Variants in SHTN1 observed in about 807,000 individuals in gnomAD.
The protein encoded by SHTN1 is shootin-1.
A neutral mutation model predicts 83.1 loss-of-function variants in SHTN1; 42 were observed. The observed-to-expected ratio is 0.51, with a 90% CI of 0.39 to 0.65. The LOEUF (loss-of-function observed/expected upper bound fraction) is 0.65, where lower values mean the gene tolerates loss of function less well. Ranked by LOEUF, SHTN1 falls within the 30% of genes least tolerant of loss-of-function variation. The pLI is 0.00. For missense variants in SHTN1, 622 were observed against 737.8 expected (o/e 0.84, Z 1.82); for synonymous variants, 224 against 247.7 (o/e 0.90, Z 0.90).
At chr10:116,956,529 G>T (rs1294325984) in intron 4 of SHTN1, among the ~76,000 whole-genome samples, 1 of 152,128 alleles carries the variant, frequency 6.6e-6, no homozygotes, top group African/African-American at 2.4e-5. Context: ...GTAAGAAGAG[G>T]TTTAGTTTGT....
At chr10:117,100,863 C>A (rs1411620912) in intron 1 of SHTN1, among the ~76,000 whole-genome samples, 1 of 152,090 alleles carries the variant, frequency 6.6e-6, no homozygotes, top group Non-Finnish European at 1.5e-5. Context: ...TGAGGTGGGA[C>A]TAAGTTTGGG....
chr10:117,033,250 T>G (rs929413656), intron 2 of SHTN1, among the ~76,000 whole-genome samples: 9 of 151,418 alleles, frequency 5.9e-5, no homozygotes, highest in African/African-American at 2.2e-4. Context: ...AAACAAAAAG[T>G]TTTTTTTTAA....
intron 8 of SHTN1, among the ~76,000 whole-genome samples, chr10:116,941,169 C>A (rs1464703658): frequency 6.6e-6 from 1 of 152,198 alleles, no homozygotes; most frequent in Non-Finnish European, 1.5e-5. Context: ...CAAGAACACA[C>A]GTAAGTGACA....
chr10:116,918,434 C>T (rs953074763), intron 12 of SHTN1, among the ~76,000 whole-genome samples: 2 of 151,856 alleles, frequency 1.3e-5, no homozygotes, highest in Non-Finnish European at 2.9e-5. Context: ...CACAGGATTA[C>T]TATTTCTTTC....
intron 13 of SHTN1, 81 bp from the exon 14 acceptor site, chr10:116,911,924 TTAG>T: frequency 1.0e-6 from 1 of 970,218 alleles, no homozygotes; most frequent in Non-Finnish European, 1.7e-6. Flanking sequence ...TGGCAAACTA[TTAG>T]TAGCCTTATA....
intron 1 of SHTN1, among the ~76,000 whole-genome samples, chr10:117,117,933 A>G (rs1035303451): frequency 3.3e-5 from 5 of 152,226 alleles, no homozygotes; most frequent in African/African-American, 1.2e-4. Flanking sequence ...TGAAACTATT[A>G]AACTACCAAA....
intron 1 of SHTN1, among the ~76,000 whole-genome samples, chr10:117,095,063 G>C (rs1015970328): frequency 1.1e-4 from 17 of 152,108 alleles, no homozygotes; most frequent in Admixed American, 6.6e-4. Context: ...GGCCTCCTTC[G>C]GGCCTTGGCT....
At chr10:116,932,719 T>C (rs945402988) in intron 9 of SHTN1, among the ~76,000 whole-genome samples, 2 of 152,226 alleles carry the variant, frequency 1.3e-5, no homozygotes, top group African/African-American at 4.8e-5. Context: ...CATAACCCTA[T>C]CATAAGTCAA....
At chr10:116,971,034 C>T (rs1041901368) in intron 2 of SHTN1, among the ~76,000 whole-genome samples, 4 of 152,106 alleles carry the variant, frequency 2.6e-5, no homozygotes, top group African/African-American at 7.2e-5. Context: ...CCTTTCCTGT[C>T]CTTTCAAAAT....
At chr10:117,034,736 T>C (rs1262460837) in intron 2 of SHTN1, among the ~76,000 whole-genome samples, 1 of 151,648 alleles carries the variant, frequency 6.6e-6, no homozygotes, top group Non-Finnish European at 1.5e-5. Context: ...TCACATACAA[T>C]AGCCACAAAT....
At position 117,059,364 on chromosome 10, in the gene SHTN1, T is replaced by C. The variant is rs145737739; in HGVS notation, c.-188-10854A>G. On this transcript the variant is annotated intron_variant, in intron 1 of 17. Coordinates refer to the SHTN1 transcript ENST00000392901. Reference sequence around the variant, plus strand: ...GCCCAGCAATTGCACTCTGGGCATTTATTCCAAAGAAATGAATACTTATGA... The same window carrying C: ...GCCCAGCAATTGCACTCTGGGCATTCATTCCAAAGAAATGAATACTTATGA... 2.3e-4 allele frequency among the ~76,000 whole-genome samples: 35 copies of C among 152,332 alleles called. No homozygotes were observed. The East Asian group carries it at 6.7e-3, about 29-fold the overall frequency.
intron 2 of SHTN1, among the ~76,000 whole-genome samples, chr10:116,971,543 G>C (rs78150875): frequency 6.6e-6 from 1 of 152,026 alleles, no homozygotes; most frequent in Non-Finnish European, 1.5e-5. Context: ...TCATTTTCTA[G>C]AATGGGCTTC....
chr10:116,973,975 A>C (rs779520905), intron 2 of SHTN1: 8 of 1,214,148 alleles, frequency 6.6e-6, no homozygotes, highest in Non-Finnish European at 8.5e-6. Flanking sequence ...GGATTTCTAC[A>C]CTCTTATCCC....
At chr10:116,933,695 G>A (rs1406542829) in intron 9 of SHTN1, among the ~76,000 whole-genome samples, 2 of 152,190 alleles carry the variant, frequency 1.3e-5, no homozygotes, top group Non-Finnish European at 2.9e-5. Flanking sequence ...TAATGGGATT[G>A]CTAGGTCAAA....
Position 116,884,274 on chromosome 10 carries a change from AG to A in SHTN1, c.*2069del, listed in dbSNP as rs1847102748. 1 of 459,372 alleles carries A rather than the reference AG, an allele frequency of 2.2e-6. No homozygotes were observed. The highest frequency in any genetic ancestry group is 4.4e-6 in the Non-Finnish European group (1 of 228,218). The allele number at this position is 459,372 out of a possible 1,614,324, so 28.5% of individuals were successfully genotyped here. ...TTTGGTTGACAGTGTCACCCCAGCC[AG>A]GGGCAAAACCCCCTCAAAACCAAAG... On this transcript the variant is annotated 3_prime_UTR_variant, in exon 17 of 17. Transcript: ENST00000355371.
At chr10:116,998,066 T>A (rs536077210) in intron 1 of SHTN1, among the ~76,000 whole-genome samples, 13 of 152,046 alleles carry the variant, frequency 8.6e-5, no homozygotes, top group Admixed American at 8.5e-4. Context: ...CACTTCAGCC[T>A]GGGGGACAGA....
rs1447191664 is a variant in SHTN1, at chr10:116,882,133, T to C, written c.*4211A>G. 1.3e-5 allele frequency: 2 copies of C among 152,658 alleles called. No individual in the cohort carries two copies. The highest frequency in any genetic ancestry group is 1.9e-4 in the East Asian group (1 of 5,200). 9.5% of individuals were successfully genotyped at this position (152,658 alleles called of 1,614,324 possible). On this transcript the variant is annotated 3_prime_UTR_variant, in exon 17 of 17. Transcript: ENST00000355371. ...ACACATTTTTGTAACCAACCTCACG[T>C]AGAAGTGTGAGAGCATCACCATTTT...
rs2133292414 is a variant in SHTN1 at position 116,885,332 on chromosome 10, A to G, written c.*1012T>C. On this transcript the variant is annotated 3_prime_UTR_variant, in exon 17 of 17. Coordinates refer to ENST00000355371, the MANE Select transcript of SHTN1 (RefSeq NM_001127211.3). Reference sequence around the variant, plus strand: ...TTAAATAAACACCAATTTTGAAACAATCAACTTTGAAAAGCTGCATAAGTT... The same window carrying G: ...TTAAATAAACACCAATTTTGAAACAGTCAACTTTGAAAAGCTGCATAAGTT... 1 of 152,704 alleles carries G rather than the reference A, an allele frequency of 6.5e-6. No homozygotes were observed. Among genetic ancestry groups the G allele is most frequent in the Non-Finnish European group, 1.5e-5 (1 of 68,030 alleles). The allele number at this position is 152,704 out of a possible 1,614,324, so 9.5% of individuals were successfully genotyped here.
chr10:117,107,081 C>A (rs1235301110), intron 1 of SHTN1, among the ~76,000 whole-genome samples: 1 of 152,184 alleles, frequency 6.6e-6, no homozygotes, highest in Non-Finnish European at 1.5e-5. Context: ...CCAGCTTTGA[C>A]TTATCTCTAA....
Sources: allele counts gnomAD v4.1 joint callset (sites outside exome capture counted in the v4.1 genomes callset), GRCh38; gene constraint gnomAD v4.1.1; transcripts MANE v1.5; gene names NCBI Gene and HGNC (gene_info 2026-07-23, HGNC 2026-07-21).